PTPRD: variants seen among roughly 807,000 people sequenced by gnomAD.
PTPRD encodes receptor-type tyrosine-protein phosphatase delta.
PTPRD carries 34 observed loss-of-function variants against 214.5 expected under a neutral mutation model. The ratio of observed to expected loss-of-function variants is 0.16; its 90% CI spans 0.12 to 0.21. The LOEUF (loss-of-function observed/expected upper bound fraction) is 0.21. PTPRD is among the 10% of genes least tolerant of loss of function. The pLI, the probability that PTPRD is intolerant of heterozygous loss-of-function variation, is 1.00. For synonymous variants in PTPRD, 1,128 were observed against 845.7 expected, an observed-to-expected ratio of 1.33 and a Z score of -5.79; for missense variants, 2,545 against 2,398.7, an observed-to-expected ratio of 1.06 and a Z score of -1.27.
At chr9:8,574,690 A>G (rs909522954) in intron 14 of PTPRD, among the ~76,000 whole-genome samples, 4 of 151,906 alleles carry the variant, frequency 2.6e-5, no homozygotes, top group Non-Finnish European at 4.4e-5. Flanking sequence ...GGTTCTTTTC[A>G]TTTTTCTTCA....
chr9:8,869,297 A>G (rs1180059385), intron 11 of PTPRD, among the ~76,000 whole-genome samples: 4 of 152,204 alleles, frequency 2.6e-5, no homozygotes, highest in Non-Finnish European at 2.9e-5. Flanking sequence ...AAAACTATCA[A>G]TTTACAACTA....
intron 11 of PTPRD, among the ~76,000 whole-genome samples, chr9:8,885,655 C>G (rs1377051610): frequency 1.3e-5 from 2 of 151,750 alleles, no homozygotes; most frequent in African/African-American, 2.4e-5. Flanking sequence ...TGCCACCACA[C>G]CCGGTTAATT....
intron 4 of PTPRD, among the ~76,000 whole-genome samples, chr9:9,989,760 C>T (rs373140609): frequency 9.9e-5 from 15 of 152,176 alleles, no homozygotes; most frequent in Non-Finnish European, 1.9e-4. Context: ...GACACACACC[C>T]GCTGGGGCTC....
intron 8 of PTPRD, among the ~76,000 whole-genome samples, chr9:9,446,594 C>A (rs868619727): frequency 3.9e-5 from 6 of 152,160 alleles, no homozygotes; most frequent in Middle Eastern, 3.4e-3. Context: ...TTATTGAGCA[C>A]CCAGTCAATG....
At chr9:8,736,939 T>G (rs2090579571) in intron 11 of PTPRD, among the ~76,000 whole-genome samples, 1 of 152,158 alleles carries the variant, frequency 6.6e-6, no homozygotes, top group Admixed American at 6.5e-5. Flanking sequence ...CTTTCACTGC[T>G]CCCATCCTCA....
At chr9:9,354,053 A>G (rs1257881119) in intron 9 of PTPRD, among the ~76,000 whole-genome samples, 4 of 151,822 alleles carry the variant, frequency 2.6e-5, no homozygotes, top group African/African-American at 4.8e-5. Context: ...CCTTGTCCCC[A>G]CATGGCCTCC....
At chr9:9,046,357 A>AT (rs2099672133) in intron 10 of PTPRD, among the ~76,000 whole-genome samples, 1 of 152,304 alleles carries the variant, frequency 6.6e-6, no homozygotes, top group East Asian at 1.9e-4. Flanking sequence ...AGATGTGGTG[A>AT]TTATATTGGG....
At chr9:9,392,748 A>C (rs946274883) in intron 9 of PTPRD, among the ~76,000 whole-genome samples, 1 of 152,202 alleles carries the variant, frequency 6.6e-6, no homozygotes, top group African/African-American at 2.4e-5. Flanking sequence ...TATTGGAATA[A>C]GCCCAGGTCA....
chr9:10,447,339 C>T lies in PTPRD; in HGVS notation c.-599-106322G>A, dbSNP rs190482142. ...ATTTTAGGTTAACCACGTCCTCTGT[C>T]ATGTCCTACACCATCATCTTCCTTG... On this transcript the variant is annotated intron_variant, in intron 2 of 45. Coordinates refer to ENST00000381196, the MANE Select transcript of PTPRD (RefSeq NM_002839.4). Among the ~76,000 whole-genome samples, 442 of 152,106 alleles carry T rather than the reference C, an allele frequency of 2.9e-3. 1 individual carries two copies. The highest frequency in any genetic ancestry group is 4.9e-3 in the Non-Finnish European group (336 of 68,018).
At chr9:8,948,459 A>ATT (rs1280641642) in intron 11 of PTPRD, among the ~76,000 whole-genome samples, 2 of 12,606 alleles carry the variant, frequency 1.6e-4, no homozygotes, top group Admixed American at 1.8e-3. Flanking sequence ...ATATTTATAT[A>ATT]TATATTTACA....
chr9:9,722,100 C>A (rs781183737), intron 7 of PTPRD, among the ~76,000 whole-genome samples: 1 of 151,826 alleles, frequency 6.6e-6, no homozygotes, highest in Non-Finnish European at 1.5e-5. Flanking sequence ...ATTTTACACA[C>A]CATAAAACTC....
At chr9:8,691,132 C>G (rs2097791593) in intron 12 of PTPRD, among the ~76,000 whole-genome samples, 1 of 152,082 alleles carries the variant, frequency 6.6e-6, no homozygotes, top group African/African-American at 2.4e-5. Context: ...CAAAACTATT[C>G]CTCGTGGCCA....
intron 3 of PTPRD, among the ~76,000 whole-genome samples, chr9:10,320,697 T>G (rs562036848): frequency 1.3e-5 from 2 of 152,120 alleles, no homozygotes; most frequent in South Asian, 4.1e-4. Flanking sequence ...AGACCATTGA[T>G]TTGAGGCTCC....
chr9:9,098,405 C>A (rs1423224689), intron 10 of PTPRD, among the ~76,000 whole-genome samples: 1 of 151,976 alleles, frequency 6.6e-6, no homozygotes, highest in Non-Finnish European at 1.5e-5. Flanking sequence ...TACAGGCATG[C>A]ACCACCACAC....
At chr9:10,238,586 G>C (rs2099636767) in intron 3 of PTPRD, among the ~76,000 whole-genome samples, 1 of 151,764 alleles carries the variant, frequency 6.6e-6, no homozygotes, top group African/African-American at 2.4e-5. Flanking sequence ...GCTATCGAAA[G>C]CATATACTTT....
chr9:9,955,802 G>A (rs993212014), intron 4 of PTPRD, among the ~76,000 whole-genome samples: 4 of 152,160 alleles, frequency 2.6e-5, no homozygotes, highest in Non-Finnish European at 5.9e-5. Flanking sequence ...GATTACAGGC[G>A]TGAGCCACCA....
At chr9:9,568,565 G>T (rs2085325569) in intron 8 of PTPRD, among the ~76,000 whole-genome samples, 1 of 151,826 alleles carries the variant, frequency 6.6e-6, no homozygotes, top group Non-Finnish European at 1.5e-5. Flanking sequence ...ATCCAATTAT[G>T]ACAGTGAGAA....
chr9:8,375,885 A>G (rs1363004501), intron 39 of PTPRD, 51 bp downstream of exon 39: 2 of 1,576,012 alleles, frequency 1.3e-6, no homozygotes, highest in Non-Finnish European at 1.7e-6. Context: ...ATCCAATGAG[A>G]GTCAATTTAG....
At chr9:10,214,904 C>G (rs1414656393) in intron 3 of PTPRD, among the ~76,000 whole-genome samples, 1 of 152,010 alleles carries the variant, frequency 6.6e-6, no homozygotes, top group Non-Finnish European at 1.5e-5. Context: ...GGGATTCATA[C>G]ATCTTGGTTA....
Sources: gnomAD v4.1 joint callset for allele counts (sites outside exome capture counted in the v4.1 genomes callset) on GRCh38, gnomAD v4.1.1 for gene constraint, MANE v1.5 for transcripts, NCBI Gene and HGNC (gene_info 2026-07-23, HGNC 2026-07-21) for gene names.